Variants in GPC6 observed in about 807,000 individuals in gnomAD.
GPC6 encodes the protein glypican-6.
In GPC6, 14 loss-of-function variants were observed where a neutral mutation model predicts 55.2. The observed-to-expected ratio is 0.25, with a 90% confidence interval of 0.17 to 0.40. The LOEUF (loss-of-function observed/expected upper bound fraction) is 0.40, where lower values mean the gene tolerates loss of function less well. Ranked by LOEUF, GPC6 falls within the 10% of genes least tolerant of loss-of-function variation. The pLI, the probability that GPC6 is intolerant of heterozygous loss-of-function variation, is 1.00. For synonymous variants in GPC6, 278 were observed against 259.6 expected, an observed-to-expected ratio of 1.07 and a Z score of -0.68; for missense variants, 641 against 708.5, an observed-to-expected ratio of 0.90 and a Z score of 1.08.
At chr13:94,217,490 T>C (rs1225085598) in intron 4 of GPC6, among the ~76,000 whole-genome samples, 1 of 152,168 alleles carries the variant, frequency 6.6e-6, no homozygotes, top group African/African-American at 2.4e-5. Flanking sequence ...CTGGAATGCA[T>C]CTTTCTTTGA....
intron 4 of GPC6, among the ~76,000 whole-genome samples, chr13:94,208,517 A>T (rs1467448802): frequency 2.0e-5 from 3 of 152,144 alleles, no homozygotes; most frequent in Non-Finnish European, 2.9e-5. Context: ...AAGGTGAAAA[A>T]GAAGGGAGAA....
intron 1 of GPC6, among the ~76,000 whole-genome samples, chr13:93,362,837 A>G (rs1224162538): frequency 6.6e-6 from 1 of 152,098 alleles, no homozygotes; most frequent in Admixed American, 6.6e-5. Context: ...GTGGTTGTTA[A>G]AGTTTTAAGC....
At chr13:93,297,361 G>A (rs1366341837) in intron 1 of GPC6, among the ~76,000 whole-genome samples, 1 of 152,192 alleles carries the variant, frequency 6.6e-6, no homozygotes, top group Non-Finnish European at 1.5e-5. Context: ...ATACCCAGGT[G>A]ATGGGTTGAT....
chr13:93,830,507 C>A lies in GPC6; in HGVS notation c.673C>A (p.Leu225Met). The A allele has an allele frequency of 6.2e-7, 1 of 1,611,876 alleles. No homozygotes were observed. The highest frequency in any genetic ancestry group is 8.5e-7 in the Non-Finnish European group (1 of 1,179,628). The change falls in exon 3 of 9, where the codon CTG (leucine) becomes ATG (methionine). Residue 225 changes from leucine to methionine, a missense_variant. By Grantham distance (15) the Leu-to-Met change is conservative (BLOSUM62 2). Transcript: ENST00000377047. ...FIAARTFVQG[L>M]TVGREVANRV... ...TGCTGCCAGGACCTTTGTCCAGGGG[C>A]TGACTGTGGGCAGAGAAGTTGCAAA...
chr13:94,093,429 G>T (rs1255391263), intron 4 of GPC6, among the ~76,000 whole-genome samples: 1 of 151,898 alleles, frequency 6.6e-6, no homozygotes, highest in Non-Finnish European at 1.5e-5. Flanking sequence ...GTGTGGATTT[G>T]CTTCTGGCTC....
intron 4 of GPC6, among the ~76,000 whole-genome samples, chr13:94,185,729 C>T (rs1235797697): frequency 1.3e-5 from 2 of 152,056 alleles, no homozygotes; most frequent in African/African-American, 4.8e-5. Flanking sequence ...TTGGCATCCC[C>T]AGCGTGGAGC....
At chr13:94,024,980 G>A (rs1882839010) in intron 3 of GPC6, among the ~76,000 whole-genome samples, 1 of 152,132 alleles carries the variant, frequency 6.6e-6, no homozygotes, top group Non-Finnish European at 1.5e-5. Context: ...TGTGCATGTT[G>A]TGCATAGCAC....
At chr13:94,202,098 A>G (rs903507292) in intron 4 of GPC6, among the ~76,000 whole-genome samples, 2 of 152,186 alleles carry the variant, frequency 1.3e-5, no homozygotes, top group Non-Finnish European at 2.9e-5. Flanking sequence ...TCTTCAAATG[A>G]ATTAATGTCC....
intron 1 of GPC6, among the ~76,000 whole-genome samples, chr13:93,300,749 G>A (rs1339998410): frequency 1.3e-5 from 2 of 152,078 alleles, no homozygotes; most frequent in African/African-American, 2.4e-5. Flanking sequence ...GCTTGGCATG[G>A]TGGCTCATGC....
intron 3 of GPC6, among the ~76,000 whole-genome samples, chr13:93,920,185 C>T (rs558961529): frequency 6.6e-6 from 1 of 152,214 alleles, no homozygotes; most frequent in East Asian, 1.9e-4. Flanking sequence ...TGGTTTTTAT[C>T]TCACAGTTAT....
intron 4 of GPC6, among the ~76,000 whole-genome samples, chr13:94,159,727 T>C (rs973114658): frequency 1.3e-5 from 2 of 152,180 alleles, no homozygotes; most frequent in Non-Finnish European, 2.9e-5. Context: ...ACCCTGCCAA[T>C]ATATACTTAC....
chr13:93,515,839 G>T (rs1326957518), intron 1 of GPC6, among the ~76,000 whole-genome samples: 3 of 151,024 alleles, frequency 2.0e-5, no homozygotes, highest in Non-Finnish European at 4.4e-5. Context: ...CACAAATGAA[G>T]TACTTGAAAT....
At chr13:93,927,198 G>C (rs1039477388) in intron 3 of GPC6, among the ~76,000 whole-genome samples, 1 of 152,172 alleles carries the variant, frequency 6.6e-6, no homozygotes, top group African/African-American at 2.4e-5. Context: ...TAGCCTGTCT[G>C]TGGAGACGAG....
At chr13:94,125,369 T>C (rs1175406653) in intron 4 of GPC6, among the ~76,000 whole-genome samples, 1 of 152,168 alleles carries the variant, frequency 6.6e-6, no homozygotes. Context: ...ATAGCTCGTC[T>C]TATGATCCTA....
chr13:93,288,676 A>T (rs1878218110), intron 1 of GPC6, among the ~76,000 whole-genome samples: 2 of 152,240 alleles, frequency 1.3e-5, no homozygotes, highest in African/African-American at 4.8e-5. Flanking sequence ...TGGAAATAAA[A>T]GTTGTTGTAT....
rs573679733 is a variant in GPC6 at position 93,242,867 on chromosome 13, T to G, written c.160+15251T>G. Among the ~76,000 whole-genome samples, 425 of 151,482 alleles carry G rather than the reference T, an allele frequency of 2.8e-3. 2 individuals are homozygous for G. The highest frequency in any genetic ancestry group is 9.8e-3 in the African/African-American group (406 of 41,250). On this transcript the variant is annotated intron_variant, in intron 1 of 8. Coordinates refer to ENST00000377047, the MANE Select transcript of GPC6 (RefSeq NM_005708.5). ...TGTTCCTCTGGGTCTAGCCACCATG[T>G]GGGGTTGCCACAATCCAGGTTGGTA...
At chr13:93,651,983 A>G (rs952572907) in intron 2 of GPC6, among the ~76,000 whole-genome samples, 1 of 152,202 alleles carries the variant, frequency 6.6e-6, no homozygotes, top group Non-Finnish European at 1.5e-5. Flanking sequence ...GGGCTAAATG[A>G]TAAATTTAAA....
chr13:94,332,299 T>G (rs955570997), intron 6 of GPC6, among the ~76,000 whole-genome samples: 1 of 152,212 alleles, frequency 6.6e-6, no homozygotes, highest in African/African-American at 2.4e-5. Context: ...TCAGCTGAAC[T>G]GTAGTAATTA....
At chr13:94,361,066 C>T (rs1268434281) in intron 6 of GPC6, among the ~76,000 whole-genome samples, 1 of 152,200 alleles carries the variant, frequency 6.6e-6, no homozygotes, top group East Asian at 1.9e-4. Context: ...ATGCAATTCT[C>T]AGTTATTGCA....
Sources: allele counts gnomAD v4.1 joint callset (sites outside exome capture counted in the v4.1 genomes callset), GRCh38; gene constraint gnomAD v4.1.1; transcripts MANE v1.5; gene names NCBI Gene and HGNC (gene_info 2026-07-23, HGNC 2026-07-21).